The following ASPG variants were observed in gnomAD, a reference collection of about 807,000 sequenced individuals.
ASPG encodes asparaginase, also known as 60 kDa lysophospholipase.
In ASPG, 53 loss-of-function variants were observed where a neutral mutation model predicts 63.2. The ratio of observed to expected loss-of-function variants is 0.84; its 90% CI spans 0.67 to 1.05. The LOEUF (loss-of-function observed/expected upper bound fraction) is 1.05, where lower values mean the gene tolerates loss of function less well. Ranked by LOEUF, ASPG falls within the 50% of genes least tolerant of loss-of-function variation. The probability of loss-of-function intolerance (pLI) is 0.00; values close to 1 mark genes in which losing one functional copy is unlikely to be tolerated. For synonymous variants in ASPG, 370 were observed against 355.0 expected (o/e 1.04, Z -0.48); for missense variants, 741 against 794.4 (o/e 0.93, Z 0.81).
chr14:104,110,102 G>C lies in ASPG; in HGVS notation c.1520+787G>C. On this transcript the variant is annotated intron_variant, in intron 13 of 15. Transcript: ENST00000551177. The surrounding 1 kb of genome is among the most constrained non-coding windows in gnomAD (Gnocchi z 4.7). ...CCCAGCCTGGGCTGCCCGAGGCCAG[G>C]ACGACTCCGAGGGACCCAAAAAGGA... 14 of 985,366 alleles carry C rather than the reference G, an allele frequency of 1.4e-5. No homozygotes were observed. Among genetic ancestry groups the C allele is most frequent in the Non-Finnish European group, 1.7e-5 (14 of 829,910 alleles). 61.0% of individuals were successfully genotyped at this position (985,366 alleles called of 1,614,324 possible).
rs980893425 is a variant in ASPG, at chr14:104,115,019, G to C, written c.*2475G>C. 3 of 152,246 alleles carry C rather than the reference G, an allele frequency of 2.0e-5. No homozygotes were observed. The highest frequency in any genetic ancestry group is 4.8e-5 in the African/African-American group (2 of 41,540). The allele number at this position is 152,246 out of a possible 1,614,324, so 9.4% of individuals were successfully genotyped here. On this transcript the variant is annotated 3_prime_UTR_variant, in exon 16 of 16. Transcript: ENST00000551177. ...AGTGGGGTGGCGCCGCTCACACCTG[G>C]TAATTTCACGCTGGGGGAGGCCTTG...
Position 104,112,883 on chromosome 14 carries a change from C to A in ASPG, c.*339C>A. The A allele has an allele frequency of 2.8e-6, 1 of 357,382 alleles. No homozygotes were observed. Among genetic ancestry groups the A allele is most frequent in the Non-Finnish European group, 5.3e-6 (1 of 189,804 alleles). 22.1% of individuals were successfully genotyped at this position (357,382 alleles called of 1,614,324 possible). Reference sequence around the variant, plus strand: ...GGTGGGGTGCATGGACGTGACTTGGCCAAGTGGTCCTTTCCCAGCTGCCAC... The same window carrying A: ...GGTGGGGTGCATGGACGTGACTTGGACAAGTGGTCCTTTCCCAGCTGCCAC... On this transcript the variant is annotated 3_prime_UTR_variant, in exon 16 of 16. Coordinates refer to ENST00000551177, the MANE Select transcript of ASPG (RefSeq NM_001080464.3).
At chr14:104,095,449 C>T (rs905659190) in intron 3 of ASPG, 82 bp from the exon 4 acceptor site, 134 of 1,586,000 alleles carry the variant, frequency 8.4e-5, no homozygotes, top group Middle Eastern at 3.5e-4. Context: ...TCTCTGCATC[C>T]GGACCCTTTC....
Position 104,110,478 on chromosome 14 carries a change from A to G in ASPG, c.1521-1024A>G. ...CAGGTCCTGTGGGAGCTGGGACCAG[A>G]ACCCTGGTCCAGGACTCTGCTTGGA... On this transcript the variant is annotated intron_variant, in intron 13 of 15. Coordinates refer to ENST00000551177, the MANE Select transcript of ASPG (RefSeq NM_001080464.3). This position sits in a 1 kb window ranked among gnomAD's most constrained non-coding sequence, Gnocchi z 4.7. 1 of 985,206 alleles carries G rather than the reference A, an allele frequency of 1.0e-6. No individual in the cohort carries two copies. The highest frequency in any genetic ancestry group is 1.2e-6 in the Non-Finnish European group (1 of 829,842). The allele number at this position is 985,206 out of a possible 1,614,324, so 61.0% of individuals were successfully genotyped here. A position where few individuals can be genotyped will look rare whatever the true frequency, so the allele number is the denominator to read the frequency against.
At chr14:104,100,707 G>T (rs1228720714) in intron 6 of ASPG, among the ~76,000 whole-genome samples, 4 of 152,222 alleles carry the variant, frequency 2.6e-5, no homozygotes, top group African/African-American at 9.6e-5. Flanking sequence ...TTGGGCAGGG[G>T]CCCACTTGCT....
chr14:104,107,114 C>T, intron 11 of ASPG, 68 bp from the exon 12 acceptor site: 2 of 1,509,590 alleles, frequency 1.3e-6, no homozygotes, highest in Non-Finnish European at 8.9e-7. Context: ...GGGACCCCAC[C>T]CTCCCCATGG....
chr14:104,103,492 C>T lies in ASPG; in HGVS notation c.641-71C>T, dbSNP rs2036973388. On this transcript the variant is annotated intron_variant, in intron 6 of 15. Coordinates refer to ENST00000551177, the MANE Select transcript of ASPG (RefSeq NM_001080464.3). ...GGGAGGAGGCGGCCTGTGCAGAGGG[C>T]CAGGCACTGGGCTGGGGTCTCGGCT... 3 of 1,353,328 alleles carry T rather than the reference C, an allele frequency of 2.2e-6. No homozygotes were observed. The Admixed American group carries it at 6.2e-5, about 28-fold the overall frequency. The allele number at this position is 1,353,328 out of a possible 1,614,324, so 83.8% of individuals were successfully genotyped here. A position where few individuals can be genotyped will look rare whatever the true frequency, so the allele number is the denominator to read the frequency against.
intron 5 of ASPG, 47 bp downstream of exon 5, chr14:104,097,684 G>A: frequency 6.5e-7 from 1 of 1,532,904 alleles, no homozygotes; most frequent in African/African-American, 1.4e-5. Flanking sequence ...GGTGGGGGCA[G>A]GAGCCCAGAC....
intron 3 of ASPG, among the ~76,000 whole-genome samples, chr14:104,094,762 G>T (rs2036520559): frequency 6.6e-6 from 1 of 152,202 alleles, no homozygotes. Context: ...AGCAGCCCTG[G>T]GCAGCCTCAC....
chr14:104,090,700 G>A (rs1277688519), intron 1 of ASPG, among the ~76,000 whole-genome samples: 1 of 152,220 alleles, frequency 6.6e-6, no homozygotes, highest in Non-Finnish European at 1.5e-5. Flanking sequence ...GTGCCCTGTG[G>A]CCTTCCACCT....
intron 3 of ASPG, 77 bp downstream of exon 3, chr14:104,093,679 G>T: frequency 9.2e-7 from 1 of 1,085,980 alleles, no homozygotes; most frequent in Non-Finnish European, 1.3e-6. Context: ...GCTGTGGTGT[G>T]TGGGTGGGGC....
Position 104,109,532 on chromosome 14 carries a change from G to A in ASPG, c.1520+217G>A, listed in dbSNP as rs1771011. ...GGGAAGGAGTTGTTCTCAGCTGAGC[G>A]AACAGTCCAGCAAGGGTGTCTCTGT... On this transcript the variant is annotated intron_variant, in intron 13 of 15. Coordinates refer to ENST00000551177, the MANE Select transcript of ASPG (RefSeq NM_001080464.3). The surrounding 1 kb of genome is among the most constrained non-coding windows in gnomAD (Gnocchi z 4.8). 0.24 allele frequency among the ~76,000 whole-genome samples: 36,484 copies of A among 151,860 alleles called. 4,565 individuals carry two copies. The highest frequency in any genetic ancestry group is 0.34 in the East Asian group (1,760 of 5,144).
chr14:104,107,202 G>A lies in ASPG; in HGVS notation c.1290G>A (p.Val430=). 1 of 1,583,034 alleles carries A rather than the reference G, an allele frequency of 6.3e-7. No individual in the cohort carries two copies. The highest frequency in any genetic ancestry group is 8.6e-7 in the Non-Finnish European group (1 of 1,163,190). Residue 430 remains valine, a synonymous_variant, in exon 12 of 16, where the codon GTG becomes GTA. Coordinates refer to ENST00000551177, the MANE Select transcript of ASPG (RefSeq NM_001080464.3). ...TCCAGGGCAGTGACCTGGGCCTGGT[G>A]GACTTTAACGGCCAAACCCCACTGC... ...LVELGSDLGL[V]DFNGQTPLHA...
In ASPG at chr14:104,098,900, C is replaced by T. The variant is rs966322895; in HGVS notation, c.561C>T (p.Thr187=). The T allele has an allele frequency of 1.2e-6, 2 of 1,612,612 alleles. No individual in the cohort carries two copies. The highest frequency in any genetic ancestry group is 1.3e-5 in the African/African-American group (1 of 75,078). ...AGCTGTTTCGGGGCAACCGGGCAAC[C>T]AAGGTAGACGCTCGGAGGTTCGCAG... ...QNQLFRGNRA[T]KVDARRFAAF... Residue 187 remains threonine (T), a synonymous_variant, in exon 6 of 16, where the codon ACC becomes ACT. Coordinates refer to ENST00000551177, the MANE Select transcript of ASPG (RefSeq NM_001080464.3).
intron 6 of ASPG, 140 bp downstream of exon 6, chr14:104,099,119 C>T: frequency 7.3e-7 from 1 of 1,372,660 alleles, no homozygotes. Context: ...CTTGGTTCTG[C>T]CCTGGGCTGT....
intron 12 of ASPG, among the ~76,000 whole-genome samples, chr14:104,108,015 T>A (rs1247327600): frequency 6.6e-6 from 1 of 152,106 alleles, no homozygotes; most frequent in Non-Finnish European, 1.5e-5. Flanking sequence ...TGGGTTCTTT[T>A]CGGGGAGGGA....
intron 3 of ASPG, among the ~76,000 whole-genome samples, chr14:104,094,840 T>C (rs2036523757): frequency 2.0e-5 from 3 of 152,170 alleles, no homozygotes; most frequent in African/African-American, 7.2e-5. Flanking sequence ...AGGGCGCCCT[T>C]CCCCTCCTTG....
In ASPG at chr14:104,098,867, C is replaced by A; in HGVS notation, c.528C>A (p.Phe176Leu). The A allele has an allele frequency of 6.2e-7, 1 of 1,613,044 alleles. No homozygotes were observed. Among genetic ancestry groups the A allele is most frequent in the Non-Finnish European group, 8.5e-7 (1 of 1,179,726 alleles). ...CGTTCCCGCAGGTCTGCCTTTTCTT[C>A]CAGAATCAGCTGTTTCGGGGCAACC... is the stretch of plus-strand genomic sequence containing the variant. The part of the protein sequence containing the change: ...QYVIPEVCLF[F>L]QNQLFRGNRA... The change falls in exon 6 of 16, where the codon TTC (phenylalanine) becomes TTA (leucine). Residue 176 changes from phenylalanine (F) to leucine (L), a missense_variant. By Grantham distance (22) the Phe-to-Leu change is conservative (BLOSUM62 0). Transcript: ENST00000551177.
Position 104,109,438 on chromosome 14 carries a change from G to T in ASPG, c.1520+123G>T, listed in dbSNP as rs1213636277. 2 of 1,083,944 alleles carry T rather than the reference G, an allele frequency of 1.8e-6. No homozygotes were observed. The highest frequency in any genetic ancestry group is 2.6e-6 in the Non-Finnish European group (2 of 766,656). The allele number at this position is 1,083,944 out of a possible 1,614,324, so 67.1% of individuals were successfully genotyped here. A position where few individuals can be genotyped will look rare whatever the true frequency, so the allele number is the denominator to read the frequency against. On this transcript the variant is annotated intron_variant, in intron 13 of 15. Coordinates refer to ENST00000551177, the MANE Select transcript of ASPG (RefSeq NM_001080464.3). This position sits in a 1 kb window ranked among gnomAD's most constrained non-coding sequence, Gnocchi z 4.8. Reference sequence around the variant, plus strand: ...GTGGGGGCTTTCAGAGGCGAGGCCCGCTGACCTCAGTGTGCACCAACCTGG... The same window carrying T: ...GTGGGGGCTTTCAGAGGCGAGGCCCTCTGACCTCAGTGTGCACCAACCTGG...
Sources: gnomAD v4.1 joint callset for allele counts (sites outside exome capture counted in the v4.1 genomes callset) on GRCh38, gnomAD v4.1.1 for gene constraint, Gnocchi (gnomAD v3.1) non-coding constraint, MANE v1.5 for transcripts, NCBI Gene and HGNC (gene_info 2026-07-23, HGNC 2026-07-21) for gene names.